Variants in MYO16 observed in about 807,000 individuals in gnomAD.
MYO16 encodes the protein unconventional myosin-XVI.
In MYO16, 94 loss-of-function variants were observed where a neutral mutation model predicts 205.3. That is an observed-to-expected ratio of 0.46 (90% CI 0.39 to 0.54). MYO16 has a LOEUF of 0.54. Ranked by LOEUF, MYO16 falls within the 20% of genes least tolerant of loss-of-function variation. MYO16 has a pLI of 0.00. For synonymous variants in MYO16, 988 were observed against 954.0 expected (o/e 1.04, Z -0.66); for missense variants, 2,315 against 2,387.5 (o/e 0.97, Z 0.63).
chr13:108,897,059 G>C (rs561010762), intron 14 of MYO16, among the ~76,000 whole-genome samples: 2 of 151,988 alleles, frequency 1.3e-5, no homozygotes, highest in South Asian at 4.2e-4. Context: ...AAAAAAAGTA[G>C]GATAGTGTTC....
chr13:108,997,664 C>A (rs968217582), intron 21 of MYO16, among the ~76,000 whole-genome samples: 1 of 152,040 alleles, frequency 6.6e-6, no homozygotes, highest in Non-Finnish European at 1.5e-5. Flanking sequence ...CATGGTGAAA[C>A]CCCATCTCTA....
At chr13:108,898,351 A>AGTGTGAGTGTGTGT (rs1555310477) in intron 15 of MYO16, among the ~76,000 whole-genome samples, 2 of 144,990 alleles carry the variant, frequency 1.4e-5, no homozygotes, top group South Asian at 2.2e-4. Context: ...AGGGTGTGTG[A>AGTGTGAGTGTGTGT]GTGTGTGTGT....
At chr13:108,703,809 C>T (rs1254971270) in intron 2 of MYO16, among the ~76,000 whole-genome samples, 1 of 152,182 alleles carries the variant, frequency 6.6e-6, no homozygotes, top group Non-Finnish European at 1.5e-5. Flanking sequence ...TTTTGTCCTT[C>T]CCTGTCCCCT....
chr13:109,025,252 A>G (rs1886326595), intron 23 of MYO16, among the ~76,000 whole-genome samples: 1 of 152,126 alleles, frequency 6.6e-6, no homozygotes, highest in Non-Finnish European at 1.5e-5. Context: ...ACCTGGAGGG[A>G]CTCGCCTATC....
At chr13:108,928,008 T>G (rs1882086679) in intron 16 of MYO16, among the ~76,000 whole-genome samples, 1 of 152,152 alleles carries the variant, frequency 6.6e-6, no homozygotes, top group East Asian at 1.9e-4. Context: ...TAGGGTAAGG[T>G]TTCTAGAACC....
intron 16 of MYO16, among the ~76,000 whole-genome samples, chr13:108,952,923 C>A (rs1292438231): frequency 6.6e-6 from 1 of 151,668 alleles, no homozygotes; most frequent in East Asian, 1.9e-4. Context: ...AATAATGGGG[C>A]AAAATTGGAA....
chr13:108,997,429 A>AGGAAAGGAAAGGAAAG (rs1555321987), intron 21 of MYO16, among the ~76,000 whole-genome samples: 20 of 147,406 alleles, frequency 1.4e-4, no homozygotes, highest in Admixed American at 8.9e-4. Flanking sequence ...AGGAAAGGAA[A>AGGAAAGGAAAGGAAAG]GGAAAGGAAA....
intron 2 of MYO16, among the ~76,000 whole-genome samples, chr13:108,679,720 AAATAAT>A (rs1277270279): frequency 6.0e-5 from 9 of 148,960 alleles, no homozygotes; most frequent in East Asian, 3.9e-4. Flanking sequence ...GCAAAAAAAA[AAATAAT>A]AATAATAATA....
At chr13:108,618,678 C>T (rs1879434154) in intron 1 of MYO16, among the ~76,000 whole-genome samples, 1 of 152,166 alleles carries the variant, frequency 6.6e-6, no homozygotes, top group African/African-American at 2.4e-5. Flanking sequence ...TGCAAAAGTA[C>T]AGTAGCCTGT....
chr13:108,879,019 G>A (rs138814752), intron 12 of MYO16, among the ~76,000 whole-genome samples: 6 of 152,368 alleles, frequency 3.9e-5, no homozygotes, highest in African/African-American at 1.4e-4. Context: ...AGTTTTGGTT[G>A]AGGTGTAATG....
rs137893566 is a variant in MYO16, at chr13:108,901,129, A to C, written c.1777+2996A>C. Among the ~76,000 whole-genome samples the C allele has an allele frequency of 8.3e-3, 1,260 of 152,260 alleles. 16 individuals are homozygous for C. Among genetic ancestry groups the C allele is most frequent in the African/African-American group, 0.029 (1,196 of 41,546 alleles). ...CCTGTTTCCTGATAAGATGTTATCAATGACAATGGGTGCCCAAAACTTCAT... is the reference window on the plus strand; with the variant it reads ...CCTGTTTCCTGATAAGATGTTATCACTGACAATGGGTGCCCAAAACTTCAT... On this transcript the variant is annotated intron_variant, in intron 15 of 34. Coordinates refer to ENST00000457511, the MANE Select transcript of MYO16 (RefSeq NM_001198950.3).
chr13:109,085,801 C>A (rs1888421806), intron 27 of MYO16, among the ~76,000 whole-genome samples: 1 of 152,090 alleles, frequency 6.6e-6, no homozygotes, highest in South Asian at 2.1e-4. Flanking sequence ...TAACAGGGAA[C>A]AACCAAGTGT....
chr13:108,544,060 C>T, the MYO16 span, among the ~76,000 whole-genome samples: 4 of 120,398 alleles, frequency 3.3e-5, no homozygotes, highest in East Asian at 4.6e-4. Flanking sequence ...AGGGAAACTC[C>T]GTCTCCAAAA....
At chr13:108,957,608 A>G (rs1323451083) in intron 16 of MYO16, 80 bp from the exon 17 acceptor site, 37 of 937,224 alleles carry the variant, frequency 3.9e-5, no homozygotes, top group Non-Finnish European at 4.4e-5. Context: ...TTAGAGATCA[A>G]ATACGGCAGA....
At chr13:108,688,757 A>C (rs1030245658) in intron 2 of MYO16, among the ~76,000 whole-genome samples, 1 of 152,192 alleles carries the variant, frequency 6.6e-6, no homozygotes, top group African/African-American at 2.4e-5. Context: ...CAGTTGTATA[A>C]ATTTATTAAA....
At chr13:109,190,707 T>A (rs1401087625) in intron 34 of MYO16, among the ~76,000 whole-genome samples, 1 of 152,178 alleles carries the variant, frequency 6.6e-6, no homozygotes, top group Admixed American at 6.5e-5. Flanking sequence ...GAAGTCACAT[T>A]TTATTCAGTG....
At chr13:109,089,607 T>C (rs1888556485) in intron 27 of MYO16, among the ~76,000 whole-genome samples, 1 of 152,188 alleles carries the variant, frequency 6.6e-6, no homozygotes, top group African/African-American at 2.4e-5. Context: ...GGGAGGAACA[T>C]CTATCATCCC....
chr13:108,581,785 T>C, the MYO16 span, among the ~76,000 whole-genome samples: 1 of 150,164 alleles, frequency 6.7e-6, no homozygotes, highest in Non-Finnish European at 1.5e-5. Flanking sequence ...CTCGGGAGAC[T>C]GAGGCAGGAG....
At position 108,727,470 on chromosome 13, in the gene MYO16, G is replaced by A. The variant is rs1884379379; in HGVS notation, c.394G>A (p.Glu132Lys). Reference protein sequence around the residue: ...CARYDNAFIAEILIDRGVNVN... With the variant: ...CARYDNAFIAKILIDRGVNVN... ...TCGGTATGATAATGCCTTCATTGCA[G>A]AAATTCTGATTGACAGAGGAGTCAA... Residue 132 changes from glutamate to lysine, a missense_variant, in exon 4 of 35, where the codon GAA becomes AAA. By Grantham distance (56) the Glu-to-Lys change is moderately conservative (BLOSUM62 1). Around this residue, in one of 3 missense-constraint regions of MYO16, gnomAD observed 1,213 missense variants for 1,274.4 expected, o/e 0.95. Transcript: ENST00000457511. The A allele has an allele frequency of 6.2e-7, 1 of 1,613,726 alleles. No individual in the cohort carries two copies. Among genetic ancestry groups the A allele is most frequent in the African/African-American group, 1.3e-5 (1 of 74,844 alleles).
Sources: allele counts gnomAD v4.1 joint callset (sites outside exome capture counted in the v4.1 genomes callset), GRCh38; gene constraint gnomAD v4.1.1; regional missense constraint gnomAD v4.1.1; transcripts MANE v1.5; gene names NCBI Gene and HGNC (gene_info 2026-07-23, HGNC 2026-07-21).